GRK4: variants seen among roughly 807,000 people sequenced by gnomAD.
GRK4 encodes the protein G protein-coupled receptor kinase 2-like.
GRK4 carries 73 observed loss-of-function variants against 77.9 expected under a neutral mutation model. The observed-to-expected ratio is 0.94, with a 90% CI of 0.78 to 1.14. GRK4 has a LOEUF of 1.14. Ranked by LOEUF, GRK4 falls within the 50% of genes most tolerant of loss-of-function variation. GRK4 has a pLI of 0.00. For synonymous variants in GRK4, 257 were observed against 254.4 expected (o/e 1.01, Z -0.10); for missense variants, 729 against 700.2 (o/e 1.04, Z -0.46).
intron 1 of GRK4, among the ~76,000 whole-genome samples, chr4:2,967,986 T>C (rs1316039876): frequency 1.3e-5 from 2 of 151,592 alleles, no homozygotes; most frequent in Non-Finnish European, 2.9e-5. Context: ...GACGGGGGTT[T>C]CTCCATGTTG....
At chr4:3,039,659 T>C (rs1741842128) in intron 15 of GRK4, among the ~76,000 whole-genome samples, 1 of 142,734 alleles carries the variant, frequency 7.0e-6, no homozygotes, top group Non-Finnish European at 1.5e-5. Flanking sequence ...GACTGCACCA[T>C]TGCGCTCCAG....
chr4:2,987,137 G>T (rs773471109), intron 2 of GRK4: 1 of 518,490 alleles, frequency 1.9e-6, no homozygotes, highest in South Asian at 1.4e-5. Flanking sequence ...TACCTCCAGA[G>T]CTAGACAACT....
intron 4 of GRK4, among the ~76,000 whole-genome samples, chr4:3,000,201 C>T (rs1409005258): frequency 6.6e-6 from 1 of 152,134 alleles, no homozygotes; most frequent in Non-Finnish European, 1.5e-5. Context: ...TAGTTCTGTA[C>T]CTTACCTTGC....
chr4:2,980,512 C>T (rs1174101135), intron 1 of GRK4, among the ~76,000 whole-genome samples: 1 of 151,594 alleles, frequency 6.6e-6, no homozygotes, highest in African/African-American at 2.4e-5. Flanking sequence ...CTACTAGATG[C>T]TGAGATCTCA....
At chr4:3,009,262 A>G (rs534967637) in intron 6 of GRK4, among the ~76,000 whole-genome samples, 2 of 151,988 alleles carry the variant, frequency 1.3e-5, no homozygotes, top group Admixed American at 6.6e-5. Flanking sequence ...CTCTACTAAA[A>G]ATACAAAAAA....
chr4:3,016,613 A>G (rs1734602229), intron 8 of GRK4, among the ~76,000 whole-genome samples: 1 of 137,762 alleles, frequency 7.3e-6, no homozygotes, highest in African/African-American at 3.0e-5. Flanking sequence ...TGGTGGGAGG[A>G]TTGCTTGAAC....
intron 1 of GRK4, chr4:2,971,332 A>T (rs1719477643): frequency 6.6e-6 from 1 of 152,170 alleles, no homozygotes; most frequent in South Asian, 2.1e-4. Flanking sequence ...AGGATTCTTC[A>T]TGCTTGTTTC....
At chr4:2,991,653 A>G (rs1411918152) in intron 3 of GRK4, among the ~76,000 whole-genome samples, 1 of 152,130 alleles carries the variant, frequency 6.6e-6, no homozygotes, top group Non-Finnish European at 1.5e-5. Flanking sequence ...CTAGGATTAC[A>G]GGTATGCGCC....
chr4:3,009,992 G>A (rs1041620083), intron 7 of GRK4, among the ~76,000 whole-genome samples: 5 of 152,218 alleles, frequency 3.3e-5, no homozygotes, highest in Non-Finnish European at 5.9e-5. Flanking sequence ...CAGATGGAAA[G>A]ACGATTCTGT....
chr4:3,020,793 AG>A (rs1735851683), intron 9 of GRK4, among the ~76,000 whole-genome samples: 1 of 148,940 alleles, frequency 6.7e-6, no homozygotes, highest in East Asian at 1.9e-4. Context: ...ACAGGATGAA[AG>A]GGGGAAAAAA....
chr4:2,964,856 G>A lies in GRK4; in HGVS notation c.52+734G>A, dbSNP rs188997417. Among the ~76,000 whole-genome samples the A allele has an allele frequency of 4.6e-5, 7 of 152,190 alleles. No homozygotes were observed. In the East Asian group the frequency reaches 1.4e-3, roughly 29 times the overall value. On this transcript the variant is annotated intron_variant, in intron 1 of 15. Coordinates refer to ENST00000398052, the MANE Select transcript of GRK4 (RefSeq NM_182982.3). Reference sequence around the variant, plus strand: ...CTTTTGCTTAGCAAGCTCACTTTAAGGACAGTTATAAGATAACGCTGTTCT... The same window carrying A: ...CTTTTGCTTAGCAAGCTCACTTTAAAGACAGTTATAAGATAACGCTGTTCT...
At chr4:2,988,035 C>CA (rs896764585) in intron 2 of GRK4, among the ~76,000 whole-genome samples, 1 of 134,396 alleles carries the variant, frequency 7.4e-6, no homozygotes, top group Non-Finnish European at 1.5e-5. Flanking sequence ...GAGATTATGC[C>CA]ACTGCACTCC....
chr4:3,017,406 A>G (rs1734863331), intron 8 of GRK4, among the ~76,000 whole-genome samples: 1 of 152,158 alleles, frequency 6.6e-6, no homozygotes, highest in Admixed American at 6.5e-5. Context: ...CGATATTAGG[A>G]CAGAGCTCCT....
chr4:3,019,509 C>G, intron 8 of GRK4, 132 bp from the exon 9 acceptor site: 1 of 800,906 alleles, frequency 1.2e-6, no homozygotes, highest in African/African-American at 1.7e-5. Context: ...GTACATTTCT[C>G]TGAAACATAT....
Position 3,035,534 on chromosome 4 carries a change from T to G in GRK4, c.1407+11T>G, listed in dbSNP as rs937283967. ...CCTTTCTGTCCTGATGTAAGTGCAT[T>G]GCCAGGACGAGCAGGGCCCTAGGAA... On this transcript the variant is annotated intron_variant, in intron 13 of 15. Transcript: ENST00000398052. 1.8e-5 allele frequency: 29 copies of G among 1,608,518 alleles called. No individual in the cohort carries two copies. Among genetic ancestry groups the G allele is most frequent in the Non-Finnish European group, 2.3e-5 (27 of 1,177,454 alleles).
At chr4:3,016,029 C>T (rs1734384850) in intron 8 of GRK4, among the ~76,000 whole-genome samples, 1 of 151,342 alleles carries the variant, frequency 6.6e-6, no homozygotes, top group South Asian at 2.1e-4. Context: ...CTGCCTCAGC[C>T]TCCCGAGTAG....
At chr4:3,008,282 T>C (rs932133175) in intron 6 of GRK4, among the ~76,000 whole-genome samples, 4 of 152,330 alleles carry the variant, frequency 2.6e-5, no homozygotes, top group Middle Eastern at 3.4e-3. Context: ...TTTTTAGTGC[T>C]AGAATAGGAT....
In GRK4 at chr4:2,969,610, A is replaced by G. The variant is rs1407993468; in HGVS notation, c.52+5488A>G. On this transcript the variant is annotated intron_variant, in intron 1 of 15. Coordinates refer to ENST00000398052, the MANE Select transcript of GRK4 (RefSeq NM_182982.3). ...AGGCTGGTCTCGAACTCCCAACCTC[A>G]GGTGATCCGCCCACCTCGGCCTCCC... Among the ~76,000 whole-genome samples, 3 of 151,634 alleles carry G rather than the reference A, an allele frequency of 2.0e-5. No individual in the cohort carries two copies. In the East Asian group the frequency reaches 5.8e-4, roughly 29 times the overall value.
chr4:3,026,039 A>C (rs1485556396), intron 10 of GRK4, among the ~76,000 whole-genome samples: 1 of 152,246 alleles, frequency 6.6e-6, no homozygotes, highest in Non-Finnish European at 1.5e-5. Context: ...CCTCGCTGGT[A>C]AGCGTGTCAT....
Sources: gnomAD v4.1 joint callset for allele counts (sites outside exome capture counted in the v4.1 genomes callset) on GRCh38, gnomAD v4.1.1 for gene constraint, MANE v1.5 for transcripts, NCBI Gene and HGNC (gene_info 2026-07-23, HGNC 2026-07-21) for gene names.